Variants in PDGFD observed in about 807,000 individuals in gnomAD.
PDGFD encodes platelet-derived growth factor D.
Under a neutral mutation model 44.7 loss-of-function variants are expected in PDGFD, and 30 were observed. The ratio of observed to expected loss-of-function variants is 0.67; its 90% CI spans 0.50 to 0.91. The LOEUF is 0.91. Among genes scored for constraint, PDGFD ranks in the 40% least tolerant of loss-of-function variants. The pLI, the probability that PDGFD is intolerant of heterozygous loss-of-function variation, is 0.00. For missense variants in PDGFD, 445 were observed against 457.8 expected (o/e 0.97, Z 0.25); for synonymous variants, 173 against 168.4 (o/e 1.03, Z -0.21).
chr11:104,030,304 C>T (rs1004736187), intron 1 of PDGFD, among the ~76,000 whole-genome samples: 2 of 152,084 alleles, frequency 1.3e-5, no homozygotes, highest in South Asian at 2.1e-4. Flanking sequence ...TTTGGAGATC[C>T]CTGACGCAGA....
At chr11:103,986,403 T>A (rs1358919957) in intron 3 of PDGFD, among the ~76,000 whole-genome samples, 1 of 152,184 alleles carries the variant, frequency 6.6e-6, no homozygotes, top group Non-Finnish European at 1.5e-5. Context: ...TAAAACTCAC[T>A]GTGGGCTCCC....
chr11:104,059,142 A>G (rs1360136415), intron 1 of PDGFD, among the ~76,000 whole-genome samples: 1 of 147,294 alleles, frequency 6.8e-6, no homozygotes, highest in Non-Finnish European at 1.5e-5. Flanking sequence ...TGTACATTAT[A>G]CTTCAATAAA....
intron 1 of PDGFD, among the ~76,000 whole-genome samples, chr11:104,069,285 C>G (rs1157913732): frequency 6.6e-6 from 1 of 152,142 alleles, no homozygotes; most frequent in East Asian, 1.9e-4. Flanking sequence ...ACACTTTTGG[C>G]AGGAATACCA....
intron 1 of PDGFD, among the ~76,000 whole-genome samples, chr11:104,151,271 A>G (rs1344200421): frequency 6.6e-6 from 1 of 152,162 alleles, no homozygotes; most frequent in Non-Finnish European, 1.5e-5. Context: ...TCAAAAAATT[A>G]TTTTCAATCA....
At chr11:104,032,639 T>C (rs543201204) in intron 1 of PDGFD, among the ~76,000 whole-genome samples, 1 of 151,190 alleles carries the variant, frequency 6.6e-6, no homozygotes, top group Non-Finnish European at 1.5e-5. Context: ...CCATCAGTTA[T>C]GTGGATTTTT....
rs80007563 is a variant in PDGFD, at chr11:104,113,087, T to C, written c.124+50717A>G. On this transcript the variant is annotated intron_variant, in intron 1 of 6. Transcript: ENST00000393158. The stretch of plus-strand genomic sequence containing the variant: ...AAGAGGATATTATTAAGTCAGAACA[T>C]TGGGCTGGCATTGATATTTTTTAGA... Among the ~76,000 whole-genome samples the C allele has an allele frequency of 6.1e-3, 936 of 152,218 alleles. 11 individuals are homozygous for C. The highest frequency in any genetic ancestry group is 0.021 in the African/African-American group (877 of 41,552).
chr11:104,130,927 G>T (rs1239346901), intron 1 of PDGFD, among the ~76,000 whole-genome samples: 1 of 152,128 alleles, frequency 6.6e-6, no homozygotes, highest in Non-Finnish European at 1.5e-5. Context: ...TTCTAAGAAA[G>T]CTAAATGCTG....
chr11:104,045,677 T>TTTTTTTTTTTTG, intron 1 of PDGFD, among the ~76,000 whole-genome samples: 1 of 148,356 alleles, frequency 6.7e-6, no homozygotes, highest in South Asian at 2.3e-4. Flanking sequence ...TTGAGTTTTT[T>TTTTTTTTTTTTG]AAGAGAATAT....
intron 1 of PDGFD, among the ~76,000 whole-genome samples, chr11:104,055,335 A>G (rs1428705858): frequency 2.0e-5 from 3 of 152,204 alleles, no homozygotes; most frequent in South Asian, 2.1e-4. Flanking sequence ...GATACTTAGA[A>G]AAGTGGCTGG....
intron 1 of PDGFD, among the ~76,000 whole-genome samples, chr11:104,091,469 A>G (rs1279623306): frequency 6.6e-6 from 1 of 152,144 alleles, no homozygotes; most frequent in East Asian, 1.9e-4. Flanking sequence ...AATGTGACTG[A>G]GCTAAGAGCC....
intron 1 of PDGFD, among the ~76,000 whole-genome samples, chr11:104,134,197 T>C (rs1465241211): frequency 6.6e-6 from 1 of 152,180 alleles, no homozygotes; most frequent in Non-Finnish European, 1.5e-5. Flanking sequence ...TATAAATGTA[T>C]ACTCACACAA....
At chr11:104,036,662 C>CA in intron 1 of PDGFD, 1 of 637,688 alleles carries the variant, frequency 1.6e-6, no homozygotes, top group Admixed American at 2.7e-5. Context: ...AGACAGCCCC[C>CA]AGACAGATGA....
At chr11:104,006,238 C>G (rs890900581) in intron 1 of PDGFD, among the ~76,000 whole-genome samples, 1 of 152,176 alleles carries the variant, frequency 6.6e-6, no homozygotes, top group South Asian at 2.1e-4. Context: ...CCTACAGAAG[C>G]AGAAATGCTG....
At chr11:103,973,027 G>A (rs576134058) in intron 3 of PDGFD, among the ~76,000 whole-genome samples, 19 of 152,110 alleles carry the variant, frequency 1.2e-4, no homozygotes, top group Non-Finnish European at 2.5e-4. Flanking sequence ...AGTAATACAG[G>A]AACCTTGCTC....
At chr11:103,925,589 A>G (rs1858295402) in intron 6 of PDGFD, among the ~76,000 whole-genome samples, 1 of 150,444 alleles carries the variant, frequency 6.6e-6, no homozygotes, top group African/African-American at 2.4e-5. Context: ...CACAATAATA[A>G]AGTAATTAGA....
At chr11:103,959,949 T>C (rs1858911433) in intron 3 of PDGFD, among the ~76,000 whole-genome samples, 1 of 152,188 alleles carries the variant, frequency 6.6e-6, no homozygotes, top group African/African-American at 2.4e-5. Context: ...CATTAAAAAT[T>C]CCTTTTTACT....
chr11:104,100,600 G>A (rs545288438), intron 1 of PDGFD, among the ~76,000 whole-genome samples: 5 of 152,148 alleles, frequency 3.3e-5, no homozygotes, highest in Non-Finnish European at 7.3e-5. Flanking sequence ...CTCATTATAT[G>A]AGGCCAGCAT....
At position 104,119,695 on chromosome 11, in the gene PDGFD, TA is replaced by T. The variant is rs1189990692; in HGVS notation, c.124+44108del. Among the ~76,000 whole-genome samples the T allele has an allele frequency of 8.1e-3, 635 of 78,868 alleles. 13 individuals are homozygous for T. Among genetic ancestry groups the T allele is most frequent in the African/African-American group, 0.032 (555 of 17,228 alleles). The allele number at this position is 78,868 out of a possible 152,430, so 51.7% of individuals were successfully genotyped here. On this transcript the variant is annotated intron_variant, in intron 1 of 6. Transcript: ENST00000393158. ...GATATATATATCGATATATAATATATAATATCTATTAATATTATAATATAAT... is the reference window on the plus strand; with the variant it reads ...GATATATATATCGATATATAATATATATATCTATTAATATTATAATATAAT...
At chr11:104,078,716 C>G (rs1199879068) in intron 1 of PDGFD, among the ~76,000 whole-genome samples, 1 of 152,084 alleles carries the variant, frequency 6.6e-6, no homozygotes, top group Non-Finnish European at 1.5e-5. Flanking sequence ...AGTGGTATAT[C>G]AAAATATGAT....
Sources: gnomAD v4.1 joint callset for allele counts (sites outside exome capture counted in the v4.1 genomes callset) on GRCh38, gnomAD v4.1.1 for gene constraint, MANE v1.5 for transcripts, NCBI Gene and HGNC (gene_info 2026-07-23, HGNC 2026-07-21) for gene names.